The following PLCB4 variants were observed in gnomAD, a reference collection of about 807,000 sequenced individuals.
The protein encoded by PLCB4 is phospholipase C beta 4.
A neutral mutation model predicts 178.8 loss-of-function variants in PLCB4; 77 were observed. The observed-to-expected ratio is 0.43, with a 90% CI of 0.36 to 0.52. The LOEUF (loss-of-function observed/expected upper bound fraction) is 0.52. Ranked by LOEUF, PLCB4 falls within the 20% of genes least tolerant of loss-of-function variation. The pLI, the probability that PLCB4 is intolerant of heterozygous loss-of-function variation, is 0.00. For missense variants in PLCB4, 1,024 were observed against 1,453.4 expected (o/e 0.70, Z 4.80); for synonymous variants, 496 against 490.8 (o/e 1.01, Z -0.14).
At chr20:9,096,211 T>C (rs1228722713) in intron 1 of PLCB4, 76 bp from the exon 2 acceptor site, 1 of 152,232 alleles carries the variant, frequency 6.6e-6, no homozygotes, top group African/African-American at 2.4e-5. Flanking sequence ...GGTAAGATTA[T>C]AGGCTGGTCT....
chr20:9,284,564 G>C (rs1247071729), intron 3 of PLCB4, among the ~76,000 whole-genome samples: 2 of 152,040 alleles, frequency 1.3e-5, no homozygotes, highest in African/African-American at 4.8e-5. Context: ...AGTTGGGGGA[G>C]AGGGAAATGT....
rs577489890 is a variant in PLCB4 at position 9,469,273 on chromosome 20, G to A, written c.3350+601G>A. Among the ~76,000 whole-genome samples, 23 of 152,126 alleles carry A rather than the reference G, an allele frequency of 1.5e-4. No homozygotes were observed. The South Asian group carries it at 4.6e-3, about 30-fold the overall frequency. On this transcript the variant is annotated intron_variant, in intron 36 of 39. Transcript: ENST00000378473. ...TGGGATTATAGGCGTGAGCCACTGCGCCCAGCCTATAATCAATATAATTCT... is the reference window on the plus strand; with the variant it reads ...TGGGATTATAGGCGTGAGCCACTGCACCCAGCCTATAATCAATATAATTCT...
At chr20:9,077,528 CAG>C (rs2089929492) in intron 1 of PLCB4, among the ~76,000 whole-genome samples, 1 of 152,280 alleles carries the variant, frequency 6.6e-6, no homozygotes, top group Admixed American at 6.5e-5. Context: ...ATTTTAGAAA[CAG>C]ACTATGTCCT....
At chr20:9,144,163 TTCTTGAAAGTTTAGTAAG>T (rs2092548870) in intron 2 of PLCB4, among the ~76,000 whole-genome samples, 1 of 152,074 alleles carries the variant, frequency 6.6e-6, no homozygotes, top group Admixed American at 6.6e-5. Flanking sequence ...CAGAAATAAA[TTCTTGAAAGTTTAGTAAG>T]TTTCTGAAGG....
intron 2 of PLCB4, among the ~76,000 whole-genome samples, chr20:9,149,798 C>T (rs73895595): frequency 2.0e-5 from 3 of 152,074 alleles, no homozygotes; most frequent in Admixed American, 6.6e-5. Flanking sequence ...AAACTCCCAA[C>T]TGGAGGTTGG....
At chr20:9,184,977 C>T (rs981676393) in intron 2 of PLCB4, among the ~76,000 whole-genome samples, 2 of 152,204 alleles carry the variant, frequency 1.3e-5, no homozygotes, top group Non-Finnish European at 2.9e-5. Flanking sequence ...GGCTGGAGTG[C>T]AGTGGCACAA....
At chr20:9,179,236 GT>G (rs1250762483) in intron 2 of PLCB4, among the ~76,000 whole-genome samples, 10 of 152,158 alleles carry the variant, frequency 6.6e-5, no homozygotes, top group African/African-American at 2.4e-4. Context: ...GCACATAGAG[GT>G]TGGGGTGATG....
intron 2 of PLCB4, among the ~76,000 whole-genome samples, 197 bp from the exon 3 acceptor site, chr20:9,217,193 T>C (rs533367466): frequency 1.3e-5 from 2 of 152,346 alleles, no homozygotes; most frequent in Admixed American, 1.3e-4. Context: ...GTTGGCTGAG[T>C]ATAGCAGTAA....
chr20:9,345,675 A>G (rs1449211281), intron 7 of PLCB4, among the ~76,000 whole-genome samples: 1 of 152,242 alleles, frequency 6.6e-6, no homozygotes, highest in African/African-American at 2.4e-5. Context: ...CAGACTGCTC[A>G]TTATACTTTA....
chr20:9,080,088 G>T (rs1054807413), intron 1 of PLCB4, among the ~76,000 whole-genome samples: 1 of 152,080 alleles, frequency 6.6e-6, no homozygotes, highest in African/African-American at 2.4e-5. Flanking sequence ...AGGAAATTAA[G>T]GTTATTAACA....
intron 30 of PLCB4, among the ~76,000 whole-genome samples, chr20:9,437,672 A>T (rs1415833729): frequency 6.6e-6 from 1 of 152,186 alleles, no homozygotes; most frequent in Non-Finnish European, 1.5e-5. Context: ...GAATGCTGAT[A>T]GGGAGTGGCA....
At chr20:9,262,211 T>C (rs73093848) in intron 3 of PLCB4, among the ~76,000 whole-genome samples, 2 of 152,126 alleles carry the variant, frequency 1.3e-5, no homozygotes, top group Non-Finnish European at 2.9e-5. Flanking sequence ...TAACTTTTTT[T>C]AAAAAGTGGA....
At chr20:9,386,777 TTAG>T (rs1405326148) in intron 14 of PLCB4, among the ~76,000 whole-genome samples, 1 of 151,436 alleles carries the variant, frequency 6.6e-6, no homozygotes, top group East Asian at 2.0e-4. Flanking sequence ...TCATTTAGCA[TTAG>T]ATATATCTCC....
chr20:9,247,136 G>A (rs987899155), intron 3 of PLCB4, among the ~76,000 whole-genome samples: 2 of 152,136 alleles, frequency 1.3e-5, no homozygotes, highest in African/African-American at 2.4e-5. Context: ...CAGAATCACA[G>A]ATCTTTTTAG....
Position 9,403,188 on chromosome 20 carries a change from G to C in PLCB4, c.1611+1598G>C, listed in dbSNP as rs139885997. 5.4e-3 allele frequency among the ~76,000 whole-genome samples: 823 copies of C among 152,118 alleles called. 26 individuals are homozygous for C. Among genetic ancestry groups the C allele is most frequent in the Admixed American group, 0.05 (759 of 15,280 alleles). ...ATTGTCATTATCCTCATGATCACTGGCGTCATTATCACGCGTATATAGAAG... is the reference window on the plus strand; with the variant it reads ...ATTGTCATTATCCTCATGATCACTGCCGTCATTATCACGCGTATATAGAAG... On this transcript the variant is annotated intron_variant, in intron 20 of 39. Coordinates refer to ENST00000378473, the MANE Select transcript of PLCB4 (RefSeq NM_001377142.1).
At chr20:9,275,852 C>G (rs1467655257) in intron 3 of PLCB4, among the ~76,000 whole-genome samples, 1 of 152,016 alleles carries the variant, frequency 6.6e-6, no homozygotes, top group Non-Finnish European at 1.5e-5. Flanking sequence ...CCTTCTTTTT[C>G]CACAGATGAC....
chr20:9,401,615 C>T (rs1408270638), intron 20 of PLCB4, 25 bp downstream of exon 20: 1 of 1,449,098 alleles, frequency 6.9e-7, no homozygotes, highest in Non-Finnish European at 9.7e-7. Context: ...TCTTTCATCA[C>T]TCTCAAGAGG....
chr20:9,461,733 A>G (rs2043408905), intron 35 of PLCB4, among the ~76,000 whole-genome samples: 1 of 152,178 alleles, frequency 6.6e-6, no homozygotes. Flanking sequence ...AGGCTTGAGT[A>G]GGTAAACAAA....
At chr20:9,183,599 C>T (rs908316074) in intron 2 of PLCB4, among the ~76,000 whole-genome samples, 3 of 152,142 alleles carry the variant, frequency 2.0e-5, no homozygotes, top group African/African-American at 7.2e-5. Context: ...TTATTTTCAA[C>T]TTCTCTTGCT....
Sources: gnomAD v4.1 joint callset for allele counts (sites outside exome capture counted in the v4.1 genomes callset) on GRCh38, gnomAD v4.1.1 for gene constraint, MANE v1.5 for transcripts, NCBI Gene and HGNC (gene_info 2026-07-23, HGNC 2026-07-21) for gene names.